Variants in MAST4 observed in about 807,000 individuals in gnomAD.
MAST4 encodes the protein microtubule-associated serine/threonine-protein kinase 4.
Under a neutral mutation model 162.7 loss-of-function variants are expected in MAST4, and 89 were observed. The ratio of observed to expected loss-of-function variants is 0.55; its 90% CI spans 0.46 to 0.65. The LOEUF (loss-of-function observed/expected upper bound fraction) is 0.65. Ranked by LOEUF, MAST4 falls within the 30% of genes least tolerant of loss-of-function variation. The pLI, the probability that MAST4 is intolerant of heterozygous loss-of-function variation, is 0.00. For missense variants in MAST4, 3,153 were observed against 3,374.0 expected (o/e 0.93, Z 1.62); for synonymous variants, 1,479 against 1,361.1 (o/e 1.09, Z -1.91).
intron 1 of MAST4, among the ~76,000 whole-genome samples, chr5:66,649,966 A>G (rs1423990178): frequency 2.0e-5 from 3 of 151,634 alleles, no homozygotes; most frequent in African/African-American, 7.3e-5. Flanking sequence ...TTCAGGGCCT[A>G]TACCAATTCA....
Position 67,163,619 on chromosome 5 carries a change from C to A in MAST4, c.4440C>A (p.Ser1480=). Residue 1480 remains serine, a synonymous_variant, in exon 29 of 29, where the codon TCC becomes TCA. Coordinates refer to ENST00000403625, the MANE Select transcript of MAST4 (RefSeq NM_001164664.2). This position sits in a 1 kb window ranked among gnomAD's most constrained non-coding sequence, Gnocchi z 7.0. ...VTQEEVQREQ[S]QREAPLQSLD... ...AAGAGGAGGTGCAGCGGGAGCAGTC[C>A]CAGCGGGAGGCGCCGCTGCAGAGCC... 2 of 1,603,782 alleles carry A rather than the reference C, an allele frequency of 1.2e-6. No homozygotes were observed. Among genetic ancestry groups the A allele is most frequent in the Non-Finnish European group, 8.5e-7 (1 of 1,175,766 alleles).
chr5:66,750,971 C>G (rs909427758), intron 1 of MAST4, among the ~76,000 whole-genome samples: 2 of 152,218 alleles, frequency 1.3e-5, no homozygotes, highest in Non-Finnish European at 2.9e-5. Flanking sequence ...ACTGCCTTCT[C>G]AAGTGGGTCC....
intron 5 of MAST4, among the ~76,000 whole-genome samples, chr5:67,078,917 T>TATATATATAATATATATATATATA (rs1561622033): frequency 1.8e-5 from 1 of 55,108 alleles, no homozygotes; most frequent in Non-Finnish European, 3.0e-5. Context: ...TATAAATATA[T>TATATATATAATATATATATATATA]ATATATATAT....
intron 1 of MAST4, among the ~76,000 whole-genome samples, chr5:66,714,455 G>A (rs963183981): frequency 4.6e-5 from 7 of 152,230 alleles, no homozygotes; most frequent in Admixed American, 1.3e-4. Context: ...AGATAACATT[G>A]AGCACCTCTC....
chr5:67,134,821 C>A, intron 18 of MAST4, 133 bp downstream of exon 18: 1 of 690,526 alleles, frequency 1.4e-6, no homozygotes, highest in Non-Finnish European at 2.3e-6. Context: ...AAAGAACTCA[C>A]TCATCAAAGC....
At chr5:66,643,518 T>C (rs1174675736) in intron 1 of MAST4, among the ~76,000 whole-genome samples, 1 of 152,148 alleles carries the variant, frequency 6.6e-6, no homozygotes, top group African/African-American at 2.4e-5. Flanking sequence ...AGGATTTTAG[T>C]GAGAGTGTTT....
chr5:67,085,149 A>G (rs377320344), intron 5 of MAST4, among the ~76,000 whole-genome samples: 21 of 152,242 alleles, frequency 1.4e-4, no homozygotes, highest in Admixed American at 6.5e-4. Flanking sequence ...AGTCTTCTCC[A>G]TCTCAATTAA....
At chr5:67,128,162 G>A (rs953667447) in intron 14 of MAST4, among the ~76,000 whole-genome samples, 1 of 152,130 alleles carries the variant, frequency 6.6e-6, no homozygotes, top group Non-Finnish European at 1.5e-5. Context: ...TTTCTGATAA[G>A]CAATAATGCT....
intron 4 of MAST4, among the ~76,000 whole-genome samples, chr5:66,908,414 A>C (rs1420980390): frequency 6.6e-6 from 1 of 152,190 alleles, no homozygotes; most frequent in African/African-American, 2.4e-5. Flanking sequence ...AATGCAAATC[A>C]GAATCTAGTG....
At chr5:66,921,043 T>C (rs1764497762) in intron 4 of MAST4, among the ~76,000 whole-genome samples, 1 of 152,054 alleles carries the variant, frequency 6.6e-6, no homozygotes, top group Admixed American at 6.5e-5. Context: ...CACTTACGAT[T>C]AGAGGGTACA....
rs1751972296 is a variant in MAST4, at chr5:67,005,923, A to G, written c.675-48481A>G. Among the ~76,000 whole-genome samples, 3 of 152,358 alleles carry G rather than the reference A, an allele frequency of 2.0e-5. No individual in the cohort carries two copies. In the South Asian group the frequency reaches 6.2e-4, roughly 32 times the overall value. ...GCATGTACATGTGAACATGCATGAG[A>G]GCAACTTTGCAGTCAGATAAACAGG... On this transcript the variant is annotated intron_variant, in intron 4 of 28. Coordinates refer to ENST00000403625, the MANE Select transcript of MAST4 (RefSeq NM_001164664.2).
At chr5:67,062,944 T>A (rs1215835794) in intron 5 of MAST4, among the ~76,000 whole-genome samples, 1 of 152,194 alleles carries the variant, frequency 6.6e-6, no homozygotes, top group East Asian at 1.9e-4. Flanking sequence ...CTAAACTTTA[T>A]CCAGGTGATT....
At chr5:66,845,380 G>A (rs1055864095) in intron 3 of MAST4, among the ~76,000 whole-genome samples, 8 of 151,566 alleles carry the variant, frequency 5.3e-5, no homozygotes, top group Non-Finnish European at 1.2e-4. Flanking sequence ...TTGGTTTTTT[G>A]TCCTTGCGAT....
chr5:67,127,573 G>A (rs983935491), intron 14 of MAST4, among the ~76,000 whole-genome samples: 11 of 152,032 alleles, frequency 7.2e-5, no homozygotes, highest in East Asian at 1.9e-4. Context: ...CTTGCATCCC[G>A]GGGATGAAGC....
chr5:67,069,134 G>C (rs1449088303), intron 5 of MAST4, among the ~76,000 whole-genome samples: 1 of 151,692 alleles, frequency 6.6e-6, no homozygotes, highest in Admixed American at 6.6e-5. Context: ...TAATTACATG[G>C]ACTCTGCTCA....
At chr5:66,979,006 T>C (rs977227494) in intron 4 of MAST4, among the ~76,000 whole-genome samples, 1 of 151,926 alleles carries the variant, frequency 6.6e-6, no homozygotes, top group Non-Finnish European at 1.5e-5. Context: ...GAAGGAAGAA[T>C]GGAAGGCATT....
At chr5:66,779,471 C>G (rs1454697697) in intron 2 of MAST4, among the ~76,000 whole-genome samples, 1 of 149,030 alleles carries the variant, frequency 6.7e-6, no homozygotes, top group Non-Finnish European at 1.5e-5. Context: ...ACTTTCTGGT[C>G]ACAGGTCTGT....
rs200858877 is a variant in MAST4 at position 67,163,406 on chromosome 5, C to G, written c.4227C>G (p.Ile1409Met). The G allele has an allele frequency of 2.3e-4, 369 of 1,612,622 alleles. 2 individuals carry two copies. Among genetic ancestry groups the G allele is most frequent in the Non-Finnish European group, 1.1e-4 (128 of 1,179,882 alleles). Residue 1409 changes from isoleucine to methionine, a missense_variant, in exon 29 of 29, where the codon ATC becomes ATG. By Grantham distance (10) the Ile-to-Met change is conservative (BLOSUM62 1). This residue lies in a region of MAST4 where 619 missense variants were observed against 744.2 expected (regional missense o/e 0.83). Transcript: ENST00000403625. The surrounding 1 kb of genome is among the most constrained non-coding windows in gnomAD (Gnocchi z 7.0). ...LLGHSLGNSK[I>M]AQAFPSKMHS... ...GACACTCACTGGGCAATTCCAAGAT[C>G]GCGCAAGCCTTTCCCAGCAAGATGC...
At chr5:66,955,208 T>A (rs1745159639) in intron 4 of MAST4, among the ~76,000 whole-genome samples, 1 of 139,950 alleles carries the variant, frequency 7.1e-6, no homozygotes, top group Admixed American at 6.9e-5. Flanking sequence ...TGAAACCTTG[T>A]CTCAGAAAAA....
Sources: gnomAD v4.1 joint callset for allele counts (sites outside exome capture counted in the v4.1 genomes callset) on GRCh38, gnomAD v4.1.1 for gene constraint, gnomAD v4.1.1 regional missense constraint, Gnocchi (gnomAD v3.1) non-coding constraint, MANE v1.5 for transcripts, NCBI Gene and HGNC (gene_info 2026-07-23, HGNC 2026-07-21) for gene names.